The following SYT14 variants were observed in gnomAD, a reference collection of about 807,000 sequenced individuals.
SYT14 encodes synaptotagmin 14, also known as synaptotagmin-14.
A neutral mutation model predicts 74.2 loss-of-function variants in SYT14; 32 were observed. The ratio of observed to expected loss-of-function variants is 0.43; its 90% CI spans 0.33 to 0.58. SYT14 has a LOEUF of 0.58. Among genes scored for constraint, SYT14 ranks in the 20% least tolerant of loss-of-function variants. The pLI is 0.05. For synonymous variants in SYT14, 298 were observed against 337.7 expected (o/e 0.88, Z 1.29); for missense variants, 791 against 981.8 (o/e 0.81, Z 2.60).
chr1:210,159,092 ATTAT>A (rs1472839547), intron 8 of SYT14, among the ~76,000 whole-genome samples: 2 of 152,196 alleles, frequency 1.3e-5, no homozygotes, highest in Admixed American at 6.5e-5. Context: ...GATCTTTATA[ATTAT>A]TCAGTCTTTT....
intron 8 of SYT14, among the ~76,000 whole-genome samples, chr1:210,158,916 C>A (rs576787900): frequency 3.9e-5 from 6 of 151,932 alleles, no homozygotes; most frequent in Non-Finnish European, 7.4e-5. Context: ...CTGAATAATC[C>A]CCATTTTTCC....
intron 7 of SYT14, among the ~76,000 whole-genome samples, chr1:210,121,805 A>G (rs961532392): frequency 2.0e-5 from 3 of 151,842 alleles, no homozygotes; most frequent in Admixed American, 6.5e-5. Context: ...AAAAAAAAAA[A>G]AAGAAGAAAG....
At chr1:210,033,825 T>C (rs1233169752) in intron 5 of SYT14, among the ~76,000 whole-genome samples, 1 of 151,836 alleles carries the variant, frequency 6.6e-6, no homozygotes, top group Non-Finnish European at 1.5e-5. Flanking sequence ...TGGAAATGCT[T>C]CTTTAAGTAT....
intron 7 of SYT14, among the ~76,000 whole-genome samples, chr1:210,133,038 T>C (rs979374284): frequency 5.9e-5 from 9 of 152,360 alleles, no homozygotes; most frequent in Middle Eastern, 3.4e-3. Flanking sequence ...TTTCCCACAA[T>C]GGTCAGAGGA....
intron 5 of SYT14, among the ~76,000 whole-genome samples, chr1:210,083,158 T>A (rs1172019571): frequency 1.3e-5 from 2 of 151,912 alleles, no homozygotes; most frequent in Non-Finnish European, 2.9e-5. Context: ...TTTTTGGGGT[T>A]TTTTTGTATT....
At chr1:210,150,650 A>G (rs1334815661) in intron 7 of SYT14, among the ~76,000 whole-genome samples, 2 of 152,188 alleles carry the variant, frequency 1.3e-5, no homozygotes, top group African/African-American at 2.4e-5. Flanking sequence ...GAAAAGTATA[A>G]TGGAAGCATT....
At chr1:210,068,918 G>T (rs528888829) in intron 5 of SYT14, among the ~76,000 whole-genome samples, 2 of 151,388 alleles carry the variant, frequency 1.3e-5, no homozygotes, top group Admixed American at 6.6e-5. Flanking sequence ...TGGATTTAAG[G>T]CTATACATTC....
At chr1:210,010,133 G>C (rs1476635438) in intron 2 of SYT14, among the ~76,000 whole-genome samples, 1 of 152,082 alleles carries the variant, frequency 6.6e-6, no homozygotes, top group Non-Finnish European at 1.5e-5. Context: ...TTTTCTAGTT[G>C]TTTTAACCAA....
intron 2 of SYT14, among the ~76,000 whole-genome samples, chr1:209,978,931 C>T (rs569993347): frequency 2.6e-4 from 39 of 152,302 alleles, no homozygotes; most frequent in Admixed American, 6.5e-4. Flanking sequence ...AGCCTCGCTG[C>T]CGCCTTACAG....
intron 7 of SYT14, among the ~76,000 whole-genome samples, chr1:210,124,864 T>G (rs893506023): frequency 5.3e-5 from 8 of 152,076 alleles, no homozygotes; most frequent in Non-Finnish European, 7.4e-5. Flanking sequence ...CTAGTTTTTT[T>G]TGTGTGGTTT....
chr1:210,085,397 TTTAATACA>T (rs1310263210), intron 5 of SYT14, among the ~76,000 whole-genome samples: 1 of 152,218 alleles, frequency 6.6e-6, no homozygotes, highest in African/African-American at 2.4e-5. Context: ...GGCTAGGACC[TTTAATACA>T]TTGTTGACTA....
rs1318303028 is a variant in SYT14, at chr1:210,016,253, A to G, written c.250A>G (p.Thr84Ala). The G allele has an allele frequency of 4.1e-6, 5 of 1,232,074 alleles. No individual in the cohort carries two copies. In the African/African-American group the frequency reaches 7.8e-5, roughly 19 times the overall value. The allele number at this position is 1,232,074 out of a possible 1,614,324, so 76.3% of individuals were successfully genotyped here. A position where few individuals can be genotyped will look rare whatever the true frequency, so the allele number is the denominator to read the frequency against. Residue 84 changes from threonine (T) to alanine (A), a missense_variant, in exon 4 of 10, where the codon ACT becomes GCT. Physicochemically the swap from Thr to Ala is moderately conservative, Grantham distance 58. Transcript: ENST00000637265. ...CGGGTTAACAGAAGTCTCCAAAAAC[A>G]CTAATTGTCAGAAAACACAAGCCAA...
intron 5 of SYT14, among the ~76,000 whole-genome samples, chr1:210,062,896 ATATT>A (rs1348745479): frequency 2.0e-5 from 3 of 151,516 alleles, no homozygotes; most frequent in Non-Finnish European, 3.0e-5. Context: ...GTATGCATGT[ATATT>A]TATTTGTGCA....
At chr1:209,958,400 C>G (rs940988012) in intron 2 of SYT14, among the ~76,000 whole-genome samples, 1 of 151,618 alleles carries the variant, frequency 6.6e-6, no homozygotes, top group Admixed American at 6.6e-5. Context: ...AGTTCAGAAT[C>G]AGCTTGTCAA....
intron 6 of SYT14, 49 bp downstream of exon 5, chr1:210,094,642 A>G (rs768607060): frequency 4.8e-5 from 76 of 1,590,712 alleles, no homozygotes; most frequent in Admixed American, 3.5e-4. Context: ...TTTGGAGGAT[A>G]ATAATCCTGT....
At chr1:210,109,521 T>C (rs1310836532) in intron 7 of SYT14, among the ~76,000 whole-genome samples, 1 of 148,376 alleles carries the variant, frequency 6.7e-6, no homozygotes, top group African/African-American at 2.5e-5. Context: ...GAGGTTGCAG[T>C]GAGCCAAGAT....
chr1:210,076,260 C>G (rs748015653), intron 5 of SYT14, among the ~76,000 whole-genome samples: 49 of 152,124 alleles, frequency 3.2e-4, no homozygotes, highest in Non-Finnish European at 5.7e-4. Flanking sequence ...TTAAGGTGCT[C>G]TTACTAATAT....
intron 2 of SYT14, among the ~76,000 whole-genome samples, chr1:210,011,176 G>A (rs890449290): frequency 1.3e-5 from 2 of 152,110 alleles, no homozygotes; most frequent in African/African-American, 4.8e-5. Flanking sequence ...TTATTACAGT[G>A]TAATATTGAA....
At chr1:210,036,371 C>T (rs1004317803) in intron 5 of SYT14, among the ~76,000 whole-genome samples, 3 of 151,922 alleles carry the variant, frequency 2.0e-5, no homozygotes, top group African/African-American at 7.2e-5. Flanking sequence ...ATTATATCAT[C>T]AGCAAATGGA....
Sources: allele counts gnomAD v4.1 joint callset (sites outside exome capture counted in the v4.1 genomes callset), GRCh38; gene constraint gnomAD v4.1.1; transcripts MANE v1.5; gene names NCBI Gene and HGNC (gene_info 2026-07-23, HGNC 2026-07-21).